CNTN6: variants seen among roughly 807,000 people sequenced by gnomAD.
CNTN6 encodes contactin 6, also known as contactin-6.
CNTN6 carries 137 observed loss-of-function variants against 122.8 expected under a neutral mutation model. That is an observed-to-expected ratio of 1.12 (90% CI 0.97 to 1.29). CNTN6 has a LOEUF of 1.29. Ranked by LOEUF, CNTN6 falls within the 50% of genes most tolerant of loss-of-function variation. The probability of loss-of-function intolerance (pLI) is 0.00; values close to 1 mark genes in which losing one functional copy is unlikely to be tolerated. For missense variants in CNTN6, 1,634 were observed against 1,223.4 expected (o/e 1.34, Z -5.01); for synonymous variants, 570 against 426.0 (o/e 1.34, Z -4.16).
chr3:1,386,782 C>CACTT (rs1396869879), intron 20 of CNTN6, among the ~76,000 whole-genome samples: 1 of 151,938 alleles, frequency 6.6e-6, no homozygotes, highest in Non-Finnish European at 1.5e-5. Flanking sequence ...AATTCAGTGC[C>CACTT]ACTTACAAAA....
At chr3:1,212,568 C>A (rs2094061333) in intron 2 of CNTN6, among the ~76,000 whole-genome samples, 1 of 151,500 alleles carries the variant, frequency 6.6e-6, no homozygotes. Flanking sequence ...TACACATACA[C>A]ATACAGTAGT....
intron 1 of CNTN6, among the ~76,000 whole-genome samples, chr3:1,144,836 G>A (rs2092690502): frequency 6.6e-6 from 1 of 152,118 alleles, no homozygotes; most frequent in African/African-American, 2.4e-5. Flanking sequence ...TCCAAATGAG[G>A]CAAAGGGCAC....
chr3:1,265,028 CAAATGA>C (rs1262076913), intron 4 of CNTN6, among the ~76,000 whole-genome samples: 1 of 140,368 alleles, frequency 7.1e-6, no homozygotes, highest in Non-Finnish European at 1.5e-5. Flanking sequence ...CATGTTGCCA[CAAATGA>C]CCGAATTTCC....
chr3:1,383,278 TTCTC>T lies in CNTN6; in HGVS notation c.2402-13_2402-10del, dbSNP rs1283924387. On this transcript the variant is annotated splice_polypyrimidine_tract_variant and intron_variant, in intron 18 of 22. Coordinates refer to ENST00000446702, the MANE Select transcript of CNTN6 (RefSeq NM_001289080.2). The stretch of plus-strand genomic sequence containing the variant: ...CACTCTGCTAAAGATGGTTATGTCT[TTCTC>T]TGGATGGTAGAACCTCAACTGGCCC... The T allele has an allele frequency of 3.7e-6, 6 of 1,609,378 alleles. No individual in the cohort carries two copies. The highest frequency in any genetic ancestry group is 5.1e-6 in the Non-Finnish European group (6 of 1,175,800).
chr3:1,300,456 G>GA (rs1697027430), intron 7 of CNTN6, among the ~76,000 whole-genome samples: 2 of 53,084 alleles, frequency 3.8e-5, no homozygotes, highest in Non-Finnish European at 8.5e-5. Flanking sequence ...GTTCAGGAAG[G>GA]AAGGAAGGAA....
intron 7 of CNTN6, among the ~76,000 whole-genome samples, chr3:1,300,913 TTAAA>T (rs1311911163): frequency 6.6e-6 from 1 of 152,044 alleles, no homozygotes; most frequent in Non-Finnish European, 1.5e-5. Flanking sequence ...GTGGAATAAT[TTAAA>T]AATAAATAAA....
Position 1,137,319 on chromosome 3 carries a change from C to T in CNTN6, c.-82-10608C>T, listed in dbSNP as rs144246989. 2.7e-3 allele frequency among the ~76,000 whole-genome samples: 412 copies of T among 152,282 alleles called. 2 individuals are homozygous for T. The highest frequency in any genetic ancestry group is 4.6e-3 in the Non-Finnish European group (312 of 68,028). Reference sequence around the variant, plus strand: ...TAATGCCTTTTTGTTGTACTTTTACCGCATGGAAATATGGACTAGTGATGC... The same window carrying T: ...TAATGCCTTTTTGTTGTACTTTTACTGCATGGAAATATGGACTAGTGATGC... On this transcript the variant is annotated intron_variant, in intron 1 of 22. Transcript: ENST00000446702.
intron 20 of CNTN6, among the ~76,000 whole-genome samples, chr3:1,397,812 C>T (rs1695170525): frequency 6.6e-6 from 1 of 152,078 alleles, no homozygotes; most frequent in South Asian, 2.1e-4. Context: ...AAGCATTAAG[C>T]TTTTATTTTA....
intron 4 of CNTN6, among the ~76,000 whole-genome samples, chr3:1,272,217 C>A (rs1342046117): frequency 2.0e-5 from 3 of 152,172 alleles, no homozygotes; most frequent in African/African-American, 7.2e-5. Context: ...ATTATCCAGT[C>A]TCAGGTATTT....
At chr3:1,308,939 A>G (rs189241165) in intron 7 of CNTN6, among the ~76,000 whole-genome samples, 7 of 152,234 alleles carry the variant, frequency 4.6e-5, no homozygotes, top group Admixed American at 4.6e-4. Context: ...CTTCTTTAGT[A>G]AGACGTCTGC....
At chr3:1,256,739 T>A (rs973073403) in intron 4 of CNTN6, among the ~76,000 whole-genome samples, 1 of 152,184 alleles carries the variant, frequency 6.6e-6, no homozygotes, top group Admixed American at 6.6e-5. Context: ...TTCATGGTTT[T>A]AAATGGCTAC....
At chr3:1,378,447 T>G (rs1027583977) in intron 17 of CNTN6, among the ~76,000 whole-genome samples, 7 of 152,274 alleles carry the variant, frequency 4.6e-5, no homozygotes, top group African/African-American at 1.7e-4. Flanking sequence ...AGAAACTAGA[T>G]GCAATTGCCC....
At chr3:1,278,749 G>A (rs1420059144) in intron 5 of CNTN6, among the ~76,000 whole-genome samples, 1 of 152,218 alleles carries the variant, frequency 6.6e-6, no homozygotes, top group African/African-American at 2.4e-5. Context: ...TGTACGTAGT[G>A]TGAGTGCCAG....
In CNTN6 at chr3:1,162,940, G is replaced by A. The variant is rs150965410; in HGVS notation, c.55+14877G>A. Among the ~76,000 whole-genome samples, 45 of 152,186 alleles carry A rather than the reference G, an allele frequency of 3.0e-4. 1 individual carries two copies. Among genetic ancestry groups the A allele is most frequent in the African/African-American group, 9.9e-4 (41 of 41,444 alleles). Reference sequence around the variant, plus strand: ...TGTGGGAACAGAAAAGCAAAGCAAAGAGTATTCAGACCACAGAAAATCATC... The same window carrying A: ...TGTGGGAACAGAAAAGCAAAGCAAAAAGTATTCAGACCACAGAAAATCATC... On this transcript the variant is annotated intron_variant, in intron 2 of 22. Transcript: ENST00000446702.
intron 1 of CNTN6, among the ~76,000 whole-genome samples, chr3:1,126,973 A>G (rs961041429): frequency 2.0e-5 from 3 of 151,986 alleles, no homozygotes; most frequent in African/African-American, 4.8e-5. Context: ...TAAGTTATAT[A>G]TAGACATCTG....
Position 1,298,661 on chromosome 3 carries a change from AAAG to A in CNTN6, c.761+674_761+676del, listed in dbSNP as rs1327563350. On this transcript the variant is annotated intron_variant, in intron 7 of 22. Transcript: ENST00000446702. ...TTTTGTGCCTATAAACACCAGAAAA[AAAG>A]AAGGAGACAGATAGACTAGACTGTC... Among the ~76,000 whole-genome samples, 4 of 152,280 alleles carry A rather than the reference AAAG, an allele frequency of 2.6e-5. No homozygotes were observed. In the South Asian group the frequency reaches 6.2e-4, roughly 24 times the overall value.
chr3:1,341,160 A>G (rs1224946487), intron 11 of CNTN6, among the ~76,000 whole-genome samples: 1 of 151,450 alleles, frequency 6.6e-6, no homozygotes, highest in East Asian at 1.9e-4. Flanking sequence ...GTTCTCCTCT[A>G]GTAACTTTGG....
Position 1,377,086 on chromosome 3 carries a change from G to T in CNTN6, c.2166+11G>T. On this transcript the variant is annotated intron_variant, in intron 17 of 22. Coordinates refer to ENST00000446702, the MANE Select transcript of CNTN6 (RefSeq NM_001289080.2). ...GTCATTACGTGGGAGGTAATTTTCT[G>T]TCCAACTGAGTTATTTTGAAGAAAA... The T allele has an allele frequency of 6.4e-7, 1 of 1,565,850 alleles. No homozygotes were observed. Among genetic ancestry groups the T allele is most frequent in the Non-Finnish European group, 8.7e-7 (1 of 1,147,746 alleles).
intron 7 of CNTN6, among the ~76,000 whole-genome samples, chr3:1,321,227 G>A (rs1305196581): frequency 6.6e-6 from 1 of 151,680 alleles, no homozygotes; most frequent in Non-Finnish European, 1.5e-5. Flanking sequence ...TAAATGTCAT[G>A]TTCTCACAAA....
Sources: allele counts gnomAD v4.1 joint callset (sites outside exome capture counted in the v4.1 genomes callset), GRCh38; gene constraint gnomAD v4.1.1; transcripts MANE v1.5; gene names NCBI Gene and HGNC (gene_info 2026-07-23, HGNC 2026-07-21).